The following RSPO4 variants were observed in gnomAD, a reference collection of about 807,000 sequenced individuals.
RSPO4 encodes the protein R-spondin-4.
In RSPO4, 23 loss-of-function variants were observed where a neutral mutation model predicts 24.8. The observed-to-expected ratio is 0.93, with a 90% CI of 0.67 to 1.31. The LOEUF (loss-of-function observed/expected upper bound fraction) is 1.31, where lower values mean the gene tolerates loss of function less well. RSPO4 is among the 40% of genes most tolerant of loss of function. The pLI is 0.00. For synonymous variants in RSPO4, 141 were observed against 127.4 expected (o/e 1.11, Z -0.72); for missense variants, 333 against 316.5 (o/e 1.05, Z -0.39).
intron 1 of RSPO4, 101 bp downstream of exon 1, chr20:1,001,985 G>T: frequency 1.0e-6 from 1 of 967,546 alleles, no homozygotes; most frequent in Non-Finnish European, 1.6e-6. Context: ...CAGGGCGCCA[G>T]GCACCAGGCA....
chr20:964,825 CACACACATATAT>C (rs1247020152), intron 3 of RSPO4, among the ~76,000 whole-genome samples: 2 of 101,112 alleles, frequency 2.0e-5, no homozygotes, highest in African/African-American at 7.0e-5. Flanking sequence ...CACACACACA[CACACACATATAT>C]ATATATATAT....
Position 981,253 on chromosome 20 carries a change from A to C in RSPO4, c.80-13115T>G, listed in dbSNP as rs893517792. Among the ~76,000 whole-genome samples, 1 of 152,224 alleles carries C rather than the reference A, an allele frequency of 6.6e-6. No homozygotes were observed. Among genetic ancestry groups the C allele is most frequent in the Non-Finnish European group, 1.5e-5 (1 of 68,044 alleles). On this transcript the variant is annotated intron_variant, in intron 1 of 4. Coordinates refer to ENST00000217260, the MANE Select transcript of RSPO4 (RefSeq NM_001029871.4). This position sits in a 1 kb window ranked among gnomAD's most constrained non-coding sequence, Gnocchi z 4.6. ...CAAAAGGGGCAACCTGGCCAGGCAC[A>C]GTGGCTCACGCCTGTAATCCCAGCA... is the stretch of plus-strand genomic sequence containing the variant.
chr20:999,011 G>C (rs1264899656), intron 1 of RSPO4, among the ~76,000 whole-genome samples: 1 of 146,574 alleles, frequency 6.8e-6, no homozygotes, highest in Non-Finnish European at 1.5e-5. Flanking sequence ...TTTTGAGACA[G>C]GGTCTGCTCT....
At chr20:986,984 C>T (rs1044118558) in intron 1 of RSPO4, among the ~76,000 whole-genome samples, 13 of 152,128 alleles carry the variant, frequency 8.5e-5, no homozygotes, top group South Asian at 2.1e-4. Flanking sequence ...TAAAAGACTC[C>T]GGCACCCTCT....
At position 990,395 on chromosome 20, in the gene RSPO4, A is replaced by C. The variant is rs548427319; in HGVS notation, c.79+11691T>G. Among the ~76,000 whole-genome samples the C allele has an allele frequency of 7.2e-5, 11 of 152,104 alleles. No homozygotes were observed. The East Asian group carries it at 2.1e-3, about 29-fold the overall frequency. ...AGTAGCAACCTCCAGACAGTCAAAA[A>C]AGCTGGCTTTGCACACAAACATCCC... On this transcript the variant is annotated intron_variant, in intron 1 of 4. Transcript: ENST00000217260.
chr20:960,132 G>A lies in RSPO4; in HGVS notation c.*225C>T, dbSNP rs1342067759. The A allele has an allele frequency of 6.9e-6, 4 of 579,320 alleles. No individual in the cohort carries two copies. Among genetic ancestry groups the A allele is most frequent in the African/African-American group, 5.8e-5 (3 of 51,892 alleles). The allele number at this position is 579,320 out of a possible 1,614,324, so 35.9% of individuals were successfully genotyped here. On this transcript the variant is annotated 3_prime_UTR_variant, in exon 5 of 5. Transcript: ENST00000217260. The stretch of plus-strand genomic sequence containing the variant: ...TGAGAAAGAAGAGGAAGGAAGGGAA[G>A]GAGGGAGGGAGAAAGGAGAGGAGAA...
rs140485346 is a variant in RSPO4 at position 999,261 on chromosome 20, C to A, written c.79+2825G>T. Among the ~76,000 whole-genome samples the A allele has an allele frequency of 5.9e-5, 9 of 152,280 alleles. No homozygotes were observed. The East Asian group carries it at 1.7e-3, about 29-fold the overall frequency. On this transcript the variant is annotated intron_variant, in intron 1 of 4. Transcript: ENST00000217260. ...AACTCCTGAGCTCAAGCTATCCTCC[C>A]ATCTTGGCCTCCCAAAGTGCCAGGA...
At chr20:969,522 T>C (rs1194740149) in intron 1 of RSPO4, among the ~76,000 whole-genome samples, 1 of 152,092 alleles carries the variant, frequency 6.6e-6, no homozygotes, top group Non-Finnish European at 1.5e-5. Context: ...CCCTTCCCAT[T>C]CCTCTTTGAA....
At chr20:992,111 T>C (rs1228096457) in intron 1 of RSPO4, among the ~76,000 whole-genome samples, 1 of 152,020 alleles carries the variant, frequency 6.6e-6, no homozygotes, top group Non-Finnish European at 1.5e-5. Context: ...GGGCAGGAAG[T>C]CAGGCCCCAT....
chr20:991,762 AC>A (rs1860730934), intron 1 of RSPO4, among the ~76,000 whole-genome samples: 1 of 152,078 alleles, frequency 6.6e-6, no homozygotes, highest in African/African-American at 2.4e-5. Flanking sequence ...ATTAATAAAA[AC>A]AAAAATGTTA....
At chr20:996,579 AC>A (rs1650112135) in intron 1 of RSPO4, among the ~76,000 whole-genome samples, 1 of 152,180 alleles carries the variant, frequency 6.6e-6, no homozygotes, top group African/African-American at 2.4e-5. Flanking sequence ...GGCTTTTTGC[AC>A]CACATACGAT....
intron 4 of RSPO4, among the ~76,000 whole-genome samples, chr20:963,240 T>A (rs947461604): frequency 1.3e-5 from 2 of 152,182 alleles, no homozygotes; most frequent in Non-Finnish European, 2.9e-5. Context: ...TCTCACATCG[T>A]GCCCCACCCT....
rs1984282204 is a variant in RSPO4, at chr20:968,055, A to G, written c.163T>C (p.Phe55Leu). ...NGCSTCQQRL[F>L]LFIRREGIRQ... ...ATGCCTTCCCGGCGGATGAACAGGA[A>G]GAGCCTCTGCTGGCAGGTGGAACAG... is the stretch of plus-strand genomic sequence containing the variant. Residue 55 changes from phenylalanine to leucine, a missense_variant, in exon 2 of 5, where the codon TTC (phenylalanine) becomes CTC (leucine). Physicochemically the swap from Phe to Leu is conservative, Grantham distance 22. Transcript: ENST00000217260. The G allele has an allele frequency of 1.2e-6, 2 of 1,614,242 alleles. No individual in the cohort carries two copies. The highest frequency in any genetic ancestry group is 8.5e-7 in the Non-Finnish European group (1 of 1,180,038).
intron 4 of RSPO4, among the ~76,000 whole-genome samples, chr20:962,876 C>T (rs956359653): frequency 1.3e-5 from 2 of 152,212 alleles, no homozygotes; most frequent in Admixed American, 1.3e-4. Flanking sequence ...AGTGACTCAA[C>T]CTTTCTGGGC....
intron 1 of RSPO4, among the ~76,000 whole-genome samples, chr20:983,187 G>A (rs116239017): frequency 1.5e-3 from 224 of 152,334 alleles, no homozygotes; most frequent in African/African-American, 5.0e-3. Context: ...CTCAGGGCTA[G>A]GAATTAGGAC....
At chr20:986,807 C>T (rs1207610215) in intron 1 of RSPO4, among the ~76,000 whole-genome samples, 1 of 151,926 alleles carries the variant, frequency 6.6e-6, no homozygotes, top group East Asian at 1.9e-4. Flanking sequence ...GGGGAATGAT[C>T]CAAGTGTGTG....
rs760715487 is a variant in RSPO4, at chr20:968,011, G to A, written c.207C>T (p.Cys69=). The stretch of plus-strand genomic sequence containing the variant: ...AGTACCCAGGGGGACAGTCGTGCAG[G>A]CACTTGCCGTACTGGCGGATGCCTT... ...RREGIRQYGK[C]LHDCPPGYFG... The change falls in exon 2 of 5, where the codon TGC becomes TGT. Residue 69 remains cysteine, a synonymous_variant. Coordinates refer to ENST00000217260, the MANE Select transcript of RSPO4 (RefSeq NM_001029871.4). 1.2e-6 allele frequency: 2 copies of A among 1,614,234 alleles called. No homozygotes were observed. The highest frequency in any genetic ancestry group is 1.7e-6 in the Non-Finnish European group (2 of 1,180,048).
At chr20:982,094 G>C (rs1368536058) in intron 1 of RSPO4, among the ~76,000 whole-genome samples, 1 of 152,268 alleles carries the variant, frequency 6.6e-6, no homozygotes, top group Middle Eastern at 3.4e-3. Flanking sequence ...GGTTGTTTTT[G>C]GATTCCTCAT....
intron 1 of RSPO4, among the ~76,000 whole-genome samples, chr20:1,000,490 C>T (rs1884107): frequency 0.33 from 50,179 of 152,104 alleles, 13,315 homozygotes; most frequent in African/African-American, 0.73. Flanking sequence ...GCCCACAATC[C>T]TCCTTATGAG....
Sources: gnomAD v4.1 joint callset for allele counts (sites outside exome capture counted in the v4.1 genomes callset) on GRCh38, gnomAD v4.1.1 for gene constraint, Gnocchi (gnomAD v3.1) non-coding constraint, MANE v1.5 for transcripts, NCBI Gene and HGNC (gene_info 2026-07-23, HGNC 2026-07-21) for gene names.